The following AR variants were observed in gnomAD, a reference collection of about 807,000 sequenced individuals.
AR encodes dihydrotestosterone receptor.
Under a neutral mutation model 53.9 loss-of-function variants are expected in AR, and 8 were observed. The observed-to-expected ratio is 0.15, with a 90% CI of 0.09 to 0.27. The LOEUF (loss-of-function observed/expected upper bound fraction) is 0.27. Ranked by LOEUF, AR falls within the 10% of genes least tolerant of loss-of-function variation. AR has a pLI of 1.00. For synonymous variants in AR, 359 were observed against 316.4 expected, an observed-to-expected ratio of 1.13 and a Z score of -1.43; for missense variants, 639 against 742.5, an observed-to-expected ratio of 0.86 and a Z score of 1.62.
intron 4 of AR, among the ~76,000 whole-genome samples, chrX:67,715,479 A>G (rs920947603): frequency 9.0e-6 from 1 of 111,206 alleles, no homozygotes; most frequent in Non-Finnish European, 1.9e-5. Flanking sequence ...AAATGGGGCT[A>G]TATGAGTGGA....
chrX:67,712,545 C>A (rs1443547508), intron 4 of AR, among the ~76,000 whole-genome samples: 1 of 112,207 alleles, frequency 8.9e-6, no homozygotes, highest in African/African-American at 3.2e-5. Flanking sequence ...CCTTTAGCAG[C>A]CAAGTGCTTT....
intron 2 of AR, among the ~76,000 whole-genome samples, chrX:67,660,895 A>C (rs1413677148): frequency 9.0e-6 from 1 of 111,237 alleles, no homozygotes; most frequent in Admixed American, 9.6e-5. Flanking sequence ...TTCATTGAGC[A>C]GTGGTTTGTA....
chrX:67,721,810 T>G, intron 5 of AR, 23 bp from the exon 6 acceptor site: 2 of 1,210,562 alleles, frequency 1.7e-6, no homozygotes, highest in Non-Finnish European at 2.2e-6. Context: ...CATTCCTTTT[T>G]CCTCTGTGTA....
At chrX:67,645,934 C>T (rs1040463468) in intron 2 of AR, among the ~76,000 whole-genome samples, 1 of 111,796 alleles carries the variant, frequency 8.9e-6, no homozygotes, top group Admixed American at 9.5e-5. Context: ...GCATCTTTAT[C>T]GCCCATATGG....
rs773996740 is a variant in AR, at chrX:67,546,321, C to T, written c.1175C>T (p.Pro392Leu). The change falls in exon 1 of 8, where the codon CCG becomes CTG. Residue 392 changes from proline (P) to leucine (L), a missense_variant. Pro to Leu is a moderately conservative substitution (Grantham distance 98). Around this residue, in one of 5 missense-constraint regions of AR, gnomAD observed 423 missense variants for 377.0 expected, o/e 1.12. Coordinates refer to ENST00000374690, the MANE Select transcript of AR (RefSeq NM_000044.6). ...CACGCTCGCATCAAGCTGGAGAACCCGCTGGACTACGGCAGCGCCTGGGCG... is the reference window on the plus strand; with the variant it reads ...CACGCTCGCATCAAGCTGGAGAACCTGCTGGACTACGGCAGCGCCTGGGCG... ...HPHARIKLEN[P>L]LDYGSAWAAA... 1.7e-6 allele frequency: 2 copies of T among 1,195,517 alleles called. No individual in the cohort carries two copies. Among genetic ancestry groups the T allele is most frequent in the Non-Finnish European group, 2.3e-6 (2 of 888,313 alleles).
At chrX:67,647,669 G>T (rs1259760507) in intron 2 of AR, among the ~76,000 whole-genome samples, 1 of 111,859 alleles carries the variant, frequency 8.9e-6, no homozygotes, top group South Asian at 3.7e-4. Flanking sequence ...TCATGTTTCT[G>T]CCTCTGATTT....
intron 1 of AR, among the ~76,000 whole-genome samples, chrX:67,631,433 G>A (rs1925107629): frequency 9.0e-6 from 1 of 111,678 alleles, no homozygotes; most frequent in Non-Finnish European, 1.9e-5. Flanking sequence ...TGATCGCATT[G>A]GCTCCTGAGG....
chrX:67,631,216 A>G (rs1362014292), intron 1 of AR, among the ~76,000 whole-genome samples: 5 of 111,450 alleles, frequency 4.5e-5, no homozygotes, highest in Non-Finnish European at 9.4e-5. Flanking sequence ...GTTCTCCTGG[A>G]TAATATCCTG....
At chrX:67,599,165 T>C (rs1602182111) in intron 1 of AR, among the ~76,000 whole-genome samples, 1 of 112,212 alleles carries the variant, frequency 8.9e-6, no homozygotes. Flanking sequence ...TTTTACTTAG[T>C]TGTGGCTTTG....
intron 5 of AR, 46 bp downstream of exon 5, chrX:67,717,668 G>A: frequency 1.7e-6 from 2 of 1,202,737 alleles, no homozygotes; most frequent in Middle Eastern, 2.3e-4. Context: ...CAGCAGCTTG[G>A]CCAGACCTGG....
At chrX:67,597,020 A>G (rs1482590435) in intron 1 of AR, among the ~76,000 whole-genome samples, 1 of 112,306 alleles carries the variant, frequency 8.9e-6, no homozygotes, top group East Asian at 2.8e-4. Context: ...CCCAAATTAC[A>G]TAACTAGGAA....
intron 1 of AR, among the ~76,000 whole-genome samples, chrX:67,576,908 T>C (rs1602166679): frequency 9.0e-6 from 1 of 110,870 alleles, no homozygotes; most frequent in African/African-American, 3.3e-5. Context: ...GTGAGCCATA[T>C]TGTCTTTTTA....
In AR at chrX:67,705,279, C is replaced by G. The variant is rs777946958; in HGVS notation, c.1886-6123C>G. On this transcript the variant is annotated intron_variant, in intron 3 of 7. Coordinates refer to ENST00000374690, the MANE Select transcript of AR (RefSeq NM_000044.6). The stretch of plus-strand genomic sequence containing the variant: ...GATATTGATTCTTCCTACCCATGAG[C>G]ATGGAATGTTCTTCCATTTCTTTGT... Among the ~76,000 whole-genome samples, 7 of 111,508 alleles carry G rather than the reference C, an allele frequency of 6.3e-5. No individual in the cohort carries two copies. In the Admixed American group the frequency reaches 6.7e-4, roughly 11 times the overall value.
At chrX:67,651,663 G>A (rs1926353822) in intron 2 of AR, among the ~76,000 whole-genome samples, 2 of 111,618 alleles carry the variant, frequency 1.8e-5, no homozygotes, top group Admixed American at 1.9e-4. Context: ...AGGAAGTTAA[G>A]AAAGATGTTA....
At chrX:67,631,718 G>A (rs1466746210) in intron 1 of AR, among the ~76,000 whole-genome samples, 1 of 112,380 alleles carries the variant, frequency 8.9e-6, no homozygotes, top group African/African-American at 3.2e-5. Context: ...GAGGCGCTCT[G>A]CTTTTTAGTG....
chrX:67,549,624 T>C (rs1478420002), intron 1 of AR, among the ~76,000 whole-genome samples: 1 of 112,099 alleles, frequency 8.9e-6, no homozygotes, highest in African/African-American at 3.2e-5. Flanking sequence ...AAGTAGGGCT[T>C]CTTATATTCC....
intron 1 of AR, among the ~76,000 whole-genome samples, chrX:67,599,641 A>C (rs919569834): frequency 8.9e-6 from 1 of 112,144 alleles, no homozygotes; most frequent in Non-Finnish European, 1.9e-5. Flanking sequence ...AACAAAAATG[A>C]GTCCATGATG....
chrX:67,630,460 C>G (rs1052126580), intron 1 of AR, among the ~76,000 whole-genome samples: 1 of 110,748 alleles, frequency 9.0e-6, no homozygotes, highest in Non-Finnish European at 1.9e-5. Flanking sequence ...AGAATTGTAA[C>G]CCCTGCCTTT....
At chrX:67,601,017 T>C in intron 1 of AR, among the ~76,000 whole-genome samples, 1 of 111,939 alleles carries the variant, frequency 8.9e-6, no homozygotes, top group East Asian at 2.8e-4. Context: ...CTTCCTTCTA[T>C]GATTCAAGGG....
Sources: gnomAD v4.1 joint callset for allele counts (sites outside exome capture counted in the v4.1 genomes callset) on GRCh38, gnomAD v4.1.1 for gene constraint, gnomAD v4.1.1 regional missense constraint, MANE v1.5 for transcripts, NCBI Gene and HGNC (gene_info 2026-07-23, HGNC 2026-07-21) for gene names.